The following CADM1 variants were observed in gnomAD, a reference collection of about 807,000 sequenced individuals.
CADM1 encodes the protein cell adhesion molecule 1.
Under a neutral mutation model 53.1 loss-of-function variants are expected in CADM1, and 15 were observed. The ratio of observed to expected loss-of-function variants is 0.28; its 90% CI spans 0.19 to 0.44. The LOEUF (loss-of-function observed/expected upper bound fraction) is 0.44, where lower values mean the gene tolerates loss of function less well. Among genes scored for constraint, CADM1 ranks in the 20% least tolerant of loss-of-function variants. The probability of loss-of-function intolerance (pLI) is 1.00; values close to 1 mark genes in which losing one functional copy is unlikely to be tolerated. For missense variants in CADM1, 434 were observed against 611.3 expected (o/e 0.71, Z 3.06); for synonymous variants, 281 against 243.0 (o/e 1.16, Z -1.45).
At chr11:115,478,765 T>C (rs1949193193) in intron 1 of CADM1, among the ~76,000 whole-genome samples, 1 of 152,176 alleles carries the variant, frequency 6.6e-6, no homozygotes, top group African/African-American at 2.4e-5. Flanking sequence ...TAATTATATA[T>C]AAAATACTTA....
chr11:115,319,716 G>A (rs770115879), intron 1 of CADM1, among the ~76,000 whole-genome samples: 1 of 152,096 alleles, frequency 6.6e-6, no homozygotes, highest in Admixed American at 6.6e-5. Context: ...GAGGCTATAG[G>A]TACAGATTGT....
intron 5 of CADM1, among the ~76,000 whole-genome samples, chr11:115,226,211 T>C (rs1167128626): frequency 6.6e-6 from 1 of 152,234 alleles, no homozygotes; most frequent in Non-Finnish European, 1.5e-5. Flanking sequence ...ATTTAATAGA[T>C]ATTTTTACAT....
intron 1 of CADM1, among the ~76,000 whole-genome samples, chr11:115,252,893 G>A (rs1313868289): frequency 6.6e-6 from 1 of 152,160 alleles, no homozygotes; most frequent in Non-Finnish European, 1.5e-5. Flanking sequence ...AAAGCTTGCT[G>A]TCTTCCAATT....
rs1375179227 is a variant in CADM1, at chr11:115,214,725, G to A, written c.877C>T (p.Leu293=). ...TTGATGAACAGGTTGGGCCCAGACA[G>A]TACGGCGTGTTGAGGCATTTCATCA... ...VDDEMPQHAV[L]SGPNLFINNL... is the part of the protein sequence containing the mutation. The change falls in exon 7 of 12, where the codon CTG becomes TTG. Residue 293 remains leucine, a synonymous_variant. Coordinates refer to ENST00000331581, the MANE Select transcript of CADM1 (RefSeq NM_001301043.2). 2 of 1,614,016 alleles carry A rather than the reference G, an allele frequency of 1.2e-6. No homozygotes were observed.
At chr11:115,220,225 A>G (rs944305031) in intron 5 of CADM1, among the ~76,000 whole-genome samples, 2 of 152,092 alleles carry the variant, frequency 1.3e-5, no homozygotes, top group Non-Finnish European at 1.5e-5. Flanking sequence ...AGCATAGTGC[A>G]CTAAGGATTT....
chr11:115,303,761 C>T (rs537275856), intron 1 of CADM1, among the ~76,000 whole-genome samples: 1 of 152,122 alleles, frequency 6.6e-6, no homozygotes, highest in South Asian at 2.1e-4. Context: ...AGATGGGAAG[C>T]ATTAGTGAAA....
chr11:115,335,146 T>TTACCACG (rs1245615024), intron 1 of CADM1, among the ~76,000 whole-genome samples: 2 of 152,120 alleles, frequency 1.3e-5, no homozygotes, highest in African/African-American at 4.8e-5. Flanking sequence ...AAATTTAATT[T>TTACCACG]TACCACGTCA....
intron 1 of CADM1, among the ~76,000 whole-genome samples, chr11:115,368,067 A>T (rs1946213880): frequency 1.4e-5 from 2 of 147,700 alleles, no homozygotes; most frequent in Non-Finnish European, 3.0e-5. Context: ...ACATTTCATT[A>T]AAAACTCCCC....
At chr11:115,177,019 T>G (rs944258770) in intron 11 of CADM1, among the ~76,000 whole-genome samples, 1 of 152,214 alleles carries the variant, frequency 6.6e-6, no homozygotes, top group African/African-American at 2.4e-5. Flanking sequence ...AGGGCCCTGA[T>G]GATGCTTCTG....
intron 7 of CADM1, 140 bp downstream of exon 7, chr11:115,214,468 C>T (rs1378267599): frequency 1.3e-6 from 1 of 785,816 alleles, no homozygotes; most frequent in Non-Finnish European, 2.2e-6. Context: ...GGGTCCACCT[C>T]AGGCCAGGCT....
chr11:115,342,145 G>T (rs1471850451), intron 1 of CADM1, among the ~76,000 whole-genome samples: 2 of 152,108 alleles, frequency 1.3e-5, no homozygotes, highest in Non-Finnish European at 2.9e-5. Context: ...AACTGGAAAG[G>T]CTTTAACTTA....
At chr11:115,204,615 A>G (rs1424310627) in intron 8 of CADM1, among the ~76,000 whole-genome samples, 2 of 152,328 alleles carry the variant, frequency 1.3e-5, no homozygotes, top group Admixed American at 6.5e-5. Context: ...AAAGCTCTCT[A>G]TCATCATTTA....
In CADM1 at chr11:115,169,748, G is replaced by GC; in HGVS notation, c.*6725_*6726insG. 3.3e-5 allele frequency: 12 copies of GC among 366,448 alleles called. No individual in the cohort carries two copies. Among genetic ancestry groups the GC allele is most frequent in the South Asian group, 6.3e-5 (3 of 47,568 alleles). 22.7% of individuals were successfully genotyped at this position (366,448 alleles called of 1,614,324 possible). On this transcript the variant is annotated 3_prime_UTR_variant, in exon 12 of 12. Transcript: ENST00000331581. ...GCAATACTTTTTAATCAGGTCTGCTGTGTCTGGGCAAACAGCTTTTGTGGA... is the reference window on the plus strand; with the variant it reads ...GCAATACTTTTTAATCAGGTCTGCTGCTGTCTGGGCAAACAGCTTTTGTGGA...
At chr11:115,188,644 TATTC>T (rs1464887852) in intron 10 of CADM1, among the ~76,000 whole-genome samples, 39 of 152,304 alleles carry the variant, frequency 2.6e-4, no homozygotes, top group Admixed American at 4.6e-4. Flanking sequence ...TGGATGATAT[TATTC>T]ATTACCACAG....
At chr11:115,452,134 C>T (rs866537784) in intron 1 of CADM1, among the ~76,000 whole-genome samples, 5 of 59,538 alleles carry the variant, frequency 8.4e-5, no homozygotes, top group Admixed American at 8.0e-4. Context: ...TAAGGTTTGG[C>T]GGGGCCAGCG....
At chr11:115,390,553 A>G (rs2135180951) in intron 1 of CADM1, among the ~76,000 whole-genome samples, 1 of 152,126 alleles carries the variant, frequency 6.6e-6, no homozygotes, top group South Asian at 2.1e-4. Context: ...AAACTAAGTG[A>G]CAATGATCAG....
chr11:115,295,551 A>ATATAT (rs1944055385), intron 1 of CADM1, among the ~76,000 whole-genome samples: 2 of 40,230 alleles, frequency 5.0e-5, no homozygotes, highest in African/African-American at 2.8e-4. Context: ...TATATATATA[A>ATATAT]TATATATGTA....
intron 1 of CADM1, among the ~76,000 whole-genome samples, chr11:115,250,715 C>CT (rs1412717649): frequency 1.3e-5 from 2 of 152,104 alleles, no homozygotes; most frequent in South Asian, 2.1e-4. Context: ...CGCTATGCTT[C>CT]TTTTTTTTCC....
At chr11:115,237,737 T>A (rs1362654861) in intron 3 of CADM1, among the ~76,000 whole-genome samples, 1 of 152,162 alleles carries the variant, frequency 6.6e-6, no homozygotes, top group African/African-American at 2.4e-5. Flanking sequence ...AGTAAGCTTG[T>A]CTAAAGGTGA....
Sources: allele counts gnomAD v4.1 joint callset (sites outside exome capture counted in the v4.1 genomes callset), GRCh38; gene constraint gnomAD v4.1.1; transcripts MANE v1.5; gene names NCBI Gene and HGNC (gene_info 2026-07-23, HGNC 2026-07-21).